Variants in MACC1 observed in about 807,000 individuals in gnomAD.
MACC1 encodes the protein MET transcriptional regulator MACC1, also known as metastasis-associated in colon cancer protein 1.
In MACC1, 79 loss-of-function variants were observed where a neutral mutation model predicts 70.7. The ratio of observed to expected loss-of-function variants is 1.12; its 90% CI spans 0.93 to 1.35. The LOEUF is 1.35. Ranked by LOEUF, MACC1 falls within the 40% of genes most tolerant of loss-of-function variation. The pLI is 0.00. For missense variants in MACC1, 1,106 were observed against 978.1 expected, an observed-to-expected ratio of 1.13 and a Z score of -1.74; for synonymous variants, 361 against 347.2, an observed-to-expected ratio of 1.04 and a Z score of -0.44.
At chr7:20,177,394 C>G (rs3114449) in intron 1 of MACC1, among the ~76,000 whole-genome samples, 69,826 of 151,582 alleles carry the variant, frequency 0.46, 17,318 homozygotes, top group East Asian at 0.86. Flanking sequence ...ATAAAATCTC[C>G]CACCATGATT....
At chr7:20,168,358 A>G (rs945980625) in intron 2 of MACC1, among the ~76,000 whole-genome samples, 23 of 152,364 alleles carry the variant, frequency 1.5e-4, no homozygotes, top group African/African-American at 5.3e-4. Context: ...CAACTTCACA[A>G]ACATCATGCT....
At position 20,161,870 on chromosome 7, in the gene MACC1, C is replaced by T. The variant is rs761933038; in HGVS notation, c.-8G>A. ...TCTTTCAGTGATTAGCATTTTTCCA[C>T]CTACAAAGTAAATAGATAAGTATTT... On this transcript the variant is annotated splice_region_variant and 5_prime_UTR_variant, in exon 4 of 7. In the 5' UTR this introduces an upstream ATG that the reference lacks. Transcript: ENST00000400331. 4 of 1,565,446 alleles carry T rather than the reference C, an allele frequency of 2.6e-6. No individual in the cohort carries two copies. In the South Asian group the frequency reaches 4.4e-5, roughly 17 times the overall value.
intron 1 of MACC1, among the ~76,000 whole-genome samples, chr7:20,201,132 ACT>A (rs2128108255): frequency 6.6e-6 from 1 of 152,302 alleles, no homozygotes; most frequent in South Asian, 2.1e-4. Flanking sequence ...AGCTGGTCAC[ACT>A]CAAAAGAAGG....
In MACC1 at chr7:20,136,441, G is replaced by A. The variant is rs1445478766; in HGVS notation, c.*4505C>T. The A allele has an allele frequency of 6.6e-6, 1 of 152,138 alleles. No homozygotes were observed. The highest frequency in any genetic ancestry group is 2.4e-5 in the African/African-American group (1 of 41,422). 9.4% of individuals were successfully genotyped at this position (152,138 alleles called of 1,614,324 possible). On this transcript the variant is annotated 3_prime_UTR_variant, in exon 7 of 7. Coordinates refer to ENST00000400331, the MANE Select transcript of MACC1 (RefSeq NM_182762.4). ...TTATTAGGGTTAAAACTTTCTAGAT[G>A]TACATAAATAGAAAATCAATGTAAA...
intron 1 of MACC1, among the ~76,000 whole-genome samples, chr7:20,188,529 A>G (rs78651941): frequency 7.4e-4 from 113 of 152,302 alleles, no homozygotes; most frequent in Middle Eastern, 6.8e-3. Context: ...AGAAAAGTCA[A>G]ACAAACCTGT....
chr7:20,145,047 A>G (rs576163302), intron 6 of MACC1, among the ~76,000 whole-genome samples: 1 of 152,278 alleles, frequency 6.6e-6, no homozygotes, highest in East Asian at 1.9e-4. Flanking sequence ...TCCCAACTCC[A>G]TGTTCCACAA....
rs138019352 is a variant in MACC1, at chr7:20,158,295, T to G, written c.2066A>C (p.Glu689Ala). ...EDFDQIQADK[E>A]SEKVSYVIKK... ...TATAACATAAGAAACTTTCTCTGAT[T>G]CTTTGTCTGCTTGAATTTGATCAAA... The change falls in exon 5 of 7, where the codon GAA becomes GCA. Residue 689 changes from glutamate (E) to alanine (A), a missense_variant. Physicochemically the swap from Glu to Ala is moderately radical, Grantham distance 107 (BLOSUM62 -1). Transcript: ENST00000400331. 290 of 1,613,430 alleles carry G rather than the reference T, an allele frequency of 1.8e-4. 1 individual carries two copies. The African/African-American group carries it at 3.2e-3, about 18-fold the overall frequency.
chr7:20,156,340 G>A (rs1038252795), intron 5 of MACC1, among the ~76,000 whole-genome samples: 4 of 152,146 alleles, frequency 2.6e-5, no homozygotes, highest in African/African-American at 7.2e-5. Context: ...CGCTTGAATG[G>A]AGTCTCTACT....
intron 4 of MACC1, among the ~76,000 whole-genome samples, chr7:20,160,656 C>T (rs1782128047): frequency 6.6e-6 from 1 of 151,960 alleles, no homozygotes; most frequent in South Asian, 2.1e-4. Flanking sequence ...ATTCAATTAT[C>T]CATATTTTTC....
chr7:20,181,490 A>T (rs1171859386), intron 1 of MACC1, among the ~76,000 whole-genome samples: 1 of 152,142 alleles, frequency 6.6e-6, no homozygotes, highest in Non-Finnish European at 1.5e-5. Context: ...AGCATTTGAT[A>T]ATATATTCAT....
intron 6 of MACC1, among the ~76,000 whole-genome samples, chr7:20,152,566 GACTATT>G (rs997062962): frequency 6.6e-5 from 10 of 152,228 alleles, no homozygotes; most frequent in African/African-American, 2.4e-4. Context: ...TCTGAGTGAT[GACTATT>G]ACTATTAATC....
chr7:20,159,220 G>A lies in MACC1; in HGVS notation c.1141C>T (p.His381Tyr). 1 of 1,613,862 alleles carries A rather than the reference G, an allele frequency of 6.2e-7. No individual in the cohort carries two copies. ...GTTAAAACAACAGTAAAACTGGGAT[G>A]GATATATTTGGGTCCATAAATTCCA... The part of the protein sequence containing the change: ...SIGIYGPKYI[H>Y]PSFTVVLTVC... The change falls in exon 5 of 7, where the codon CAT becomes TAT. Residue 381 changes from histidine (H) to tyrosine (Y), a missense_variant. Coordinates refer to ENST00000400331, the MANE Select transcript of MACC1 (RefSeq NM_182762.4).
At chr7:20,152,462 G>C (rs1781994656) in intron 6 of MACC1, among the ~76,000 whole-genome samples, 1 of 152,128 alleles carries the variant, frequency 6.6e-6, no homozygotes, top group Admixed American at 6.5e-5. Context: ...TTACCCATTA[G>C]TTAAGTGACC....
intron 1 of MACC1, among the ~76,000 whole-genome samples, chr7:20,209,703 T>A (rs941523703): frequency 1.3e-5 from 2 of 152,124 alleles, no homozygotes; most frequent in African/African-American, 4.8e-5. Context: ...TGGAAAGGCA[T>A]GATTGTGTTT....
intron 1 of MACC1, among the ~76,000 whole-genome samples, chr7:20,203,596 T>C (rs1304186173): frequency 6.6e-6 from 1 of 152,164 alleles, no homozygotes; most frequent in Admixed American, 6.5e-5. Flanking sequence ...GGTGAAACAA[T>C]AGCATCCTTC....
intron 1 of MACC1, among the ~76,000 whole-genome samples, chr7:20,185,556 TA>T (rs1407703283): frequency 2.0e-5 from 3 of 152,148 alleles, no homozygotes; most frequent in African/African-American, 7.2e-5. Context: ...TCTGCTTTTT[TA>T]TAAAAGGAGG....
intron 6 of MACC1, among the ~76,000 whole-genome samples, chr7:20,144,305 A>C (rs547095741): frequency 6.6e-6 from 1 of 152,340 alleles, no homozygotes; most frequent in African/African-American, 2.4e-5. Context: ...ACAGGGGATG[A>C]AATAGGATGT....
At position 20,160,078 on chromosome 7, in the gene MACC1, T is replaced by A; in HGVS notation, c.283A>T (p.Ile95Phe). 3 of 1,611,242 alleles carry A rather than the reference T, an allele frequency of 1.9e-6. No individual in the cohort carries two copies. The highest frequency in any genetic ancestry group is 2.5e-6 in the Non-Finnish European group (3 of 1,179,208). ...AAAAGAAAAGGATCTTCCTTTAAGA[T>A]GGAAATATTATTTCTCTTCCTGTTA... ...RNNRKRNNIS[I>F]LKEDPFLFCR... The change falls in exon 5 of 7, where the codon ATC becomes TTC. Residue 95 changes from isoleucine to phenylalanine, a missense_variant. By Grantham distance (21) the Ile-to-Phe change is conservative. Coordinates refer to ENST00000400331, the MANE Select transcript of MACC1 (RefSeq NM_182762.4).
intron 1 of MACC1, among the ~76,000 whole-genome samples, chr7:20,181,865 C>A (rs1255242960): frequency 1.3e-5 from 2 of 151,978 alleles, no homozygotes; most frequent in Non-Finnish European, 2.9e-5. Flanking sequence ...TATGATGATA[C>A]TCCTAACCAA....
Sources: gnomAD v4.1 joint callset for allele counts (sites outside exome capture counted in the v4.1 genomes callset) on GRCh38, gnomAD v4.1.1 for gene constraint, MANE v1.5 for transcripts, NCBI Gene and HGNC (gene_info 2026-07-23, HGNC 2026-07-21) for gene names.